SESN1: variants seen among roughly 807,000 people sequenced by gnomAD.
SESN1 encodes sestrin-1.
In SESN1, 30 loss-of-function variants were observed where a neutral mutation model predicts 59.3. The observed-to-expected ratio is 0.51, with a 90% CI of 0.38 to 0.69. The LOEUF (loss-of-function observed/expected upper bound fraction) is 0.69. Among genes scored for constraint, SESN1 ranks in the 30% least tolerant of loss-of-function variants. SESN1 has a pLI of 0.00. For missense variants in SESN1, 566 were observed against 673.0 expected (o/e 0.84, Z 1.76); for synonymous variants, 197 against 219.9 (o/e 0.90, Z 0.92).
intron 1 of SESN1, among the ~76,000 whole-genome samples, chr6:109,002,972 T>C (rs1779659319): frequency 1.3e-5 from 2 of 152,132 alleles, no homozygotes; most frequent in South Asian, 4.1e-4. Flanking sequence ...ATCTTGCCCA[T>C]ATTATATTTT....
Position 109,074,699 on chromosome 6 carries a change from T to C in SESN1, c.279+19096A>G, listed in dbSNP as rs188805608. Among the ~76,000 whole-genome samples, 636 of 152,362 alleles carry C rather than the reference T, an allele frequency of 4.2e-3. 4 individuals are homozygous for C. Among genetic ancestry groups the C allele is most frequent in the African/African-American group, 0.014 (588 of 41,592 alleles). On this transcript the variant is annotated intron_variant, in intron 1 of 9. Transcript: ENST00000436639. ...GCTTAATATTTAATCTCACTCCTTA[T>C]TCATTTGACAATGCTCATTAAAGTT...
In SESN1 at chr6:108,984,704, T is replaced by A. The variant is rs1779136426; in HGVS notation, c.*2840A>T. ...AATGGAATTGTTAAATTTTTTTGGA[T>A]CATTCATTGTTAGTGTATAGAAATA... On this transcript the variant is annotated 3_prime_UTR_variant, in exon 10 of 10. Coordinates refer to ENST00000436639, the MANE Select transcript of SESN1 (RefSeq NM_014454.3). 1.3e-5 allele frequency among the ~76,000 whole-genome samples: 2 copies of A among 152,228 alleles called. No homozygotes were observed. Among genetic ancestry groups the A allele is most frequent in the South Asian group, 4.1e-4 (2 of 4,828 alleles).
chr6:109,079,813 T>C (rs1781089735), intron 1 of SESN1, among the ~76,000 whole-genome samples: 1 of 152,226 alleles, frequency 6.6e-6, no homozygotes, highest in Non-Finnish European at 1.5e-5. Context: ...ATGATTCTAA[T>C]GATAATTTTC....
At chr6:109,054,032 A>G (rs550283326) in intron 1 of SESN1, among the ~76,000 whole-genome samples, 31 of 151,816 alleles carry the variant, frequency 2.0e-4, no homozygotes, top group Admixed American at 5.2e-4. Flanking sequence ...CAATTTTTTA[A>G]TATTTTTAAT....
chr6:108,995,449 C>A (rs11153150), intron 5 of SESN1, among the ~76,000 whole-genome samples: 5 of 152,120 alleles, frequency 3.3e-5, no homozygotes, highest in Non-Finnish European at 5.9e-5. Flanking sequence ...TGGCAGCTGT[C>A]ACTTGCTGGG....
chr6:109,056,228 G>C (rs1780630706), intron 1 of SESN1, among the ~76,000 whole-genome samples: 1 of 152,144 alleles, frequency 6.6e-6, no homozygotes, highest in Admixed American at 6.5e-5. Context: ...GCAACATAGG[G>C]AGACCTCATC....
At chr6:109,056,075 T>C (rs1010151046) in intron 1 of SESN1, among the ~76,000 whole-genome samples, 1 of 152,218 alleles carries the variant, frequency 6.6e-6, no homozygotes, top group African/African-American at 2.4e-5. Context: ...GTGAGAACTT[T>C]ATTTCTAAAA....
chr6:109,094,766 T>C lies in SESN1; in HGVS notation c.-693A>G. The C allele has an allele frequency of 6.6e-6, 1 of 152,214 alleles. No homozygotes were observed. The highest frequency in any genetic ancestry group is 1.5e-5 in the Non-Finnish European group (1 of 68,064). The allele number at this position is 152,214 out of a possible 1,614,324, so 9.4% of individuals were successfully genotyped here. A position where few individuals can be genotyped will look rare whatever the true frequency, so the allele number is the denominator to read the frequency against. The stretch of plus-strand genomic sequence containing the variant: ...GGGAAGACGCTACTTCTCCGATCCC[T>C]GAGCCCTCGCCCACCACCGCCGAGC... On this transcript the variant is annotated 5_prime_UTR_variant, in exon 1 of 10. Transcript: ENST00000436639.
intron 1 of SESN1, among the ~76,000 whole-genome samples, chr6:109,023,171 C>T (rs1780038162): frequency 6.6e-6 from 1 of 152,206 alleles, no homozygotes; most frequent in South Asian, 2.1e-4. Flanking sequence ...AATTACTGCC[C>T]TCCTCATACA....
chr6:109,054,606 C>T (rs2114447375), intron 1 of SESN1, among the ~76,000 whole-genome samples: 1 of 152,134 alleles, frequency 6.6e-6, no homozygotes, highest in East Asian at 1.9e-4. Flanking sequence ...AGATAGTAGG[C>T]ACAAAAAAAA....
Position 108,986,544 on chromosome 6 carries a change from A to C in SESN1, c.*1000T>G, listed in dbSNP as rs1779198980. 6.6e-6 allele frequency: 1 copy of C among 152,660 alleles called. No homozygotes were observed. Among genetic ancestry groups the C allele is most frequent in the Non-Finnish European group, 1.5e-5 (1 of 68,042 alleles). The allele number at this position is 152,660 out of a possible 1,614,324, so 9.5% of individuals were successfully genotyped here. A position where few individuals can be genotyped will look rare whatever the true frequency, so the allele number is the denominator to read the frequency against. ...CAAAGTACTTAATACATATTTTCAA[A>C]CCTGTTTGCATTTCAAACAAAGTTA... On this transcript the variant is annotated 3_prime_UTR_variant, in exon 10 of 10. Transcript: ENST00000436639.
chr6:109,040,244 C>A (rs891227719), intron 1 of SESN1, among the ~76,000 whole-genome samples: 2 of 152,144 alleles, frequency 1.3e-5, no homozygotes, highest in African/African-American at 2.4e-5. Flanking sequence ...TCTAGTTTGG[C>A]AAGTCTCCTC....
chr6:108,996,685 A>G (rs773093897), intron 5 of SESN1, among the ~76,000 whole-genome samples: 2 of 152,156 alleles, frequency 1.3e-5, no homozygotes, highest in Non-Finnish European at 2.9e-5. Context: ...AAAATTGTGT[A>G]AGAAAACTCT....
intron 1 of SESN1, among the ~76,000 whole-genome samples, chr6:109,032,953 G>A (rs1780205870): frequency 6.6e-6 from 1 of 152,078 alleles, no homozygotes; most frequent in Non-Finnish European, 1.5e-5. Context: ...ACCCACACAG[G>A]TATTTCATTG....
At chr6:109,040,110 T>A (rs1320792430) in intron 1 of SESN1, among the ~76,000 whole-genome samples, 1 of 152,180 alleles carries the variant, frequency 6.6e-6, no homozygotes. Context: ...GCGTAAAAAC[T>A]TCAGTCATGA....
intron 1 of SESN1, among the ~76,000 whole-genome samples, chr6:109,083,459 A>G (rs541792536): frequency 6.6e-6 from 1 of 152,228 alleles, no homozygotes; most frequent in Non-Finnish European, 1.5e-5. Flanking sequence ...ATACACACAC[A>G]TACACAAATC....
chr6:109,035,191 G>A (rs959373290), intron 1 of SESN1, among the ~76,000 whole-genome samples: 18 of 151,682 alleles, frequency 1.2e-4, no homozygotes, highest in African/African-American at 4.1e-4. Flanking sequence ...TTTCATCCTA[G>A]AAGTTCAACT....
intron 1 of SESN1, among the ~76,000 whole-genome samples, chr6:109,093,265 T>C (rs572140678): frequency 3.2e-4 from 49 of 152,298 alleles, no homozygotes; most frequent in African/African-American, 1.1e-3. Flanking sequence ...GGTCCACCTT[T>C]TCAACATGAA....
intron 1 of SESN1, among the ~76,000 whole-genome samples, chr6:109,020,856 A>G (rs1780000292): frequency 6.6e-6 from 1 of 152,204 alleles, no homozygotes; most frequent in South Asian, 2.1e-4. Context: ...TTCTGTGACT[A>G]TCATCATGAA....
Sources: allele counts gnomAD v4.1 joint callset (sites outside exome capture counted in the v4.1 genomes callset), GRCh38; gene constraint gnomAD v4.1.1; transcripts MANE v1.5; gene names NCBI Gene and HGNC (gene_info 2026-07-23, HGNC 2026-07-21).